The following CTSC variants were observed in gnomAD, a reference collection of about 807,000 sequenced individuals.
The protein encoded by CTSC is cathepsin C.
In CTSC, 37 loss-of-function variants were observed where a neutral mutation model predicts 40.9. The observed-to-expected ratio is 0.91, with a 90% CI of 0.70 to 1.19. The LOEUF is 1.19. Among genes scored for constraint, CTSC ranks in the 50% most tolerant of loss-of-function variants. The probability of loss-of-function intolerance (pLI) is 0.00; values close to 1 mark genes in which losing one functional copy is unlikely to be tolerated. For missense variants in CTSC, 594 were observed against 567.3 expected (o/e 1.05, Z -0.48); for synonymous variants, 232 against 207.4 (o/e 1.12, Z -1.02).
Position 88,331,466 on chromosome 11 carries a change from T to C in CTSC, c.318+3471A>G, listed in dbSNP as rs140104904. Among the ~76,000 whole-genome samples, 928 of 152,324 alleles carry C rather than the reference T, an allele frequency of 6.1e-3. 10 individuals carry two copies. The highest frequency in any genetic ancestry group is 0.021 in the African/African-American group (852 of 41,560). On this transcript the variant is annotated intron_variant, in intron 2 of 6. Coordinates refer to ENST00000227266, the MANE Select transcript of CTSC (RefSeq NM_001814.6). ...ATAAATACACAGGCACTTGAAGAGA[T>C]ACATAGAGCAAGTTCTGGAAGGGTC... is the stretch of plus-strand genomic sequence containing the variant.
At chr11:88,299,971 C>T (rs184108969) in intron 5 of CTSC, among the ~76,000 whole-genome samples, 10 of 152,270 alleles carry the variant, frequency 6.6e-5, no homozygotes, top group African/African-American at 1.2e-4. Context: ...ACCTGGGTTC[C>T]GCCCTCACGC....
intron 2 of CTSC, among the ~76,000 whole-genome samples, chr11:88,316,656 T>C (rs138210474): frequency 1.7e-3 from 258 of 152,280 alleles, no homozygotes; most frequent in Admixed American, 3.2e-3. Context: ...CCTAGAAAAC[T>C]ATCTGGCACT....
intron 2 of CTSC, chr11:88,326,134 A>G (rs1938177425): frequency 2.3e-6 from 3 of 1,312,726 alleles, no homozygotes; most frequent in Admixed American, 6.7e-5. Context: ...GAAGCCACCC[A>G]AGATTTTGCA....
intron 2 of CTSC, among the ~76,000 whole-genome samples, chr11:88,331,728 T>C (rs1938362440): frequency 6.6e-6 from 1 of 152,242 alleles, no homozygotes; most frequent in Non-Finnish European, 1.5e-5. Flanking sequence ...AAGGCCTGTC[T>C]GTTCAGATTC....
chr11:88,325,704 G>GA (rs774949377), intron 2 of CTSC: 29 of 984,762 alleles, frequency 2.9e-5, no homozygotes, highest in African/African-American at 1.2e-4. Context: ...AAAAAGAAAA[G>GA]AAAAAAAATA....
intron 2 of CTSC, among the ~76,000 whole-genome samples, chr11:88,313,712 CTTAAT>C (rs1257522744): frequency 6.6e-6 from 1 of 152,022 alleles, no homozygotes; most frequent in Admixed American, 6.6e-5. Context: ...CAGGCTCTGA[CTTAAT>C]TTAATAGAAA....
intron 2 of CTSC, chr11:88,323,316 C>T (rs1294182962): frequency 1.3e-5 from 2 of 152,136 alleles, no homozygotes; most frequent in African/African-American, 4.8e-5. Flanking sequence ...TAATATCATA[C>T]TGAATGGGCA....
chr11:88,303,014 C>A (rs1334031146), intron 4 of CTSC, among the ~76,000 whole-genome samples: 1 of 152,132 alleles, frequency 6.6e-6, no homozygotes. Flanking sequence ...AAAAACAAAG[C>A]TTGGACATTT....
At chr11:88,326,543 AC>A in intron 2 of CTSC, 1 of 761,178 alleles carries the variant, frequency 1.3e-6, no homozygotes, top group Non-Finnish European at 2.2e-6. Context: ...AAAAAAAAAT[AC>A]CAGCACTGAT....
In CTSC at chr11:88,294,224, C is replaced by A; in HGVS notation, c.1174G>T (p.Gly392Cys). 2 of 1,613,926 alleles carry A rather than the reference C, an allele frequency of 1.2e-6. No individual in the cohort carries two copies. Among genetic ancestry groups the A allele is most frequent in the South Asian group, 2.2e-5 (2 of 91,064 alleles). ...AAGGGGTTGAAAGGGTCTCTTAGAC[C>A]AGTGTGGTGGTAGATCCCCTTTTTG... ...HYKKGIYHHT[G>C]LRDPFNPFEL... The change falls in exon 7 of 7, where the codon GGT becomes TGT. Residue 392 changes from glycine to cysteine, a missense_variant. Transcript: ENST00000227266.
intron 6 of CTSC, among the ~76,000 whole-genome samples, chr11:88,295,684 A>G (rs1186333542): frequency 1.3e-5 from 2 of 152,152 alleles, no homozygotes; most frequent in Non-Finnish European, 2.9e-5. Context: ...CCCAGCCCTA[A>G]GTACAGAATT....
At chr11:88,314,221 T>A (rs1217843501) in intron 2 of CTSC, among the ~76,000 whole-genome samples, 1 of 152,212 alleles carries the variant, frequency 6.6e-6, no homozygotes, top group Non-Finnish European at 1.5e-5. Context: ...GCAAAGGGAA[T>A]ACATAAATGA....
chr11:88,317,100 G>T (rs1445886007), intron 2 of CTSC, among the ~76,000 whole-genome samples: 1 of 152,112 alleles, frequency 6.6e-6, no homozygotes, highest in Non-Finnish European at 1.5e-5. Context: ...CTGAGTAGCT[G>T]GGATTACAGG....
intron 2 of CTSC, among the ~76,000 whole-genome samples, chr11:88,331,180 C>A (rs76790216): frequency 1.2e-3 from 188 of 152,300 alleles, no homozygotes; most frequent in Non-Finnish European, 2.4e-3. Context: ...GCAGCAGACA[C>A]CAGCTCAGTG....
intron 4 of CTSC, among the ~76,000 whole-genome samples, chr11:88,302,737 T>C (rs945151437): frequency 6.6e-6 from 1 of 151,608 alleles, no homozygotes; most frequent in Non-Finnish European, 1.5e-5. Context: ...ACCTTGACAA[T>C]TGTATAGATT....
chr11:88,321,636 T>A (rs1049865968), intron 2 of CTSC: 1 of 152,242 alleles, frequency 6.6e-6, no homozygotes, highest in African/African-American at 2.4e-5. Context: ...TGCTGCATAG[T>A]ATTCCATGGT....
chr11:88,305,091 C>T (rs1937619278), intron 4 of CTSC, among the ~76,000 whole-genome samples: 1 of 77,714 alleles, frequency 1.3e-5, no homozygotes, highest in Non-Finnish European at 2.7e-5. Context: ...CAGTGAGACT[C>T]TGTCAAAAAA....
intron 5 of CTSC, 100 bp from the exon 6 acceptor site, chr11:88,296,364 G>C: frequency 7.1e-7 from 1 of 1,412,000 alleles, no homozygotes; most frequent in East Asian, 2.4e-5. Context: ...TGTTTATACT[G>C]AATGTTGTTG....
chr11:88,320,982 T>C (rs1235701879), intron 2 of CTSC: 1 of 985,140 alleles, frequency 1.0e-6, no homozygotes, highest in Non-Finnish European at 1.2e-6. Flanking sequence ...CACAGAATAC[T>C]AAGCCTTATT....
Sources: gnomAD v4.1 joint callset for allele counts (sites outside exome capture counted in the v4.1 genomes callset) on GRCh38, gnomAD v4.1.1 for gene constraint, MANE v1.5 for transcripts, NCBI Gene and HGNC (gene_info 2026-07-23, HGNC 2026-07-21) for gene names.